MBD2: variants seen among roughly 807,000 people sequenced by gnomAD.
The protein encoded by MBD2 is methyl-CpG binding domain protein 2.
A neutral mutation model predicts 39.3 loss-of-function variants in MBD2; 9 were observed. The observed-to-expected ratio is 0.23, with a 90% confidence interval of 0.14 to 0.40. The LOEUF is 0.40. Ranked by LOEUF, MBD2 falls within the 10% of genes least tolerant of loss-of-function variation. The probability of loss-of-function intolerance (pLI) is 1.00; values close to 1 mark genes in which losing one functional copy is unlikely to be tolerated. For missense variants in MBD2, 458 were observed against 532.6 expected (o/e 0.86, Z 1.38); for synonymous variants, 233 against 211.1 (o/e 1.10, Z -0.90).
chr18:54,182,434 G>C (rs1267881789), intron 3 of MBD2, among the ~76,000 whole-genome samples: 1 of 152,122 alleles, frequency 6.6e-6, no homozygotes, highest in Non-Finnish European at 1.5e-5. Context: ...ATCTGATCAA[G>C]GTATGTAAGG....
chr18:54,186,241 TTA>T (rs1392834988), intron 3 of MBD2, among the ~76,000 whole-genome samples: 10 of 152,070 alleles, frequency 6.6e-5, no homozygotes, highest in Non-Finnish European at 1.5e-4. Context: ...ATAAAAACAT[TTA>T]TATCTATGGG....
intron 1 of MBD2, among the ~76,000 whole-genome samples, chr18:54,215,363 CTT>C (rs1019718660): frequency 1.1e-4 from 17 of 152,200 alleles, no homozygotes; most frequent in African/African-American, 4.1e-4. Flanking sequence ...TCATTTTTCT[CTT>C]CTTTTTTAAT....
intron 1 of MBD2, among the ~76,000 whole-genome samples, chr18:54,210,280 TTAAAAA>T (rs1419195775): frequency 1.3e-5 from 2 of 152,126 alleles, no homozygotes; most frequent in East Asian, 1.9e-4. Flanking sequence ...ATTTCATCAC[TTAAAAA>T]TAAAAATAAA....
intron 5 of MBD2, 65 bp from the exon 6 acceptor site, chr18:54,159,968 C>T: frequency 2.0e-6 from 3 of 1,536,742 alleles, no homozygotes; most frequent in Admixed American, 1.7e-5. Context: ...GAATCTGCTA[C>T]AGAAGTTCAT....
chr18:54,162,930 T>TA (rs1195568519), intron 5 of MBD2, among the ~76,000 whole-genome samples: 2 of 152,156 alleles, frequency 1.3e-5, no homozygotes, highest in African/African-American at 2.4e-5. Context: ...CTTACCCATT[T>TA]AAAAAAACTT....
At chr18:54,205,869 C>T (rs987628581) in intron 1 of MBD2, among the ~76,000 whole-genome samples, 4 of 151,744 alleles carry the variant, frequency 2.6e-5, no homozygotes, top group African/African-American at 9.7e-5. Context: ...CCTGCAAGTA[C>T]TACATATACA....
At chr18:54,196,899 C>T (rs1205722203) in intron 2 of MBD2, among the ~76,000 whole-genome samples, 1 of 152,212 alleles carries the variant, frequency 6.6e-6, no homozygotes, top group Non-Finnish European at 1.5e-5. Context: ...ACTCTGCTTC[C>T]TAGCAATCGC....
intron 3 of MBD2, among the ~76,000 whole-genome samples, chr18:54,180,890 A>ATTTTTTTTTTTTTTTTTTTTTTTT (rs1568083459): frequency 1.7e-5 from 2 of 114,596 alleles, no homozygotes; most frequent in African/African-American, 7.4e-5. Context: ...GTATTCCTTA[A>ATTTTTTTTTTTTTTTTTTTTTTTT]TTTTTTCTTT....
intron 4 of MBD2, among the ~76,000 whole-genome samples, chr18:54,165,276 A>C (rs183287220): frequency 2.7e-3 from 410 of 152,340 alleles, no homozygotes; most frequent in Non-Finnish European, 5.1e-3. Flanking sequence ...ACCTAACAAA[A>C]TATCCAAAAT....
intron 1 of MBD2, among the ~76,000 whole-genome samples, chr18:54,210,605 C>A (rs904483910): frequency 6.6e-6 from 1 of 152,104 alleles, no homozygotes; most frequent in Non-Finnish European, 1.5e-5. Context: ...TAAATAAACA[C>A]AAGTCTATTT....
At chr18:54,215,772 G>A (rs2086553739) in intron 1 of MBD2, among the ~76,000 whole-genome samples, 1 of 151,360 alleles carries the variant, frequency 6.6e-6, no homozygotes, top group Non-Finnish European at 1.5e-5. Flanking sequence ...GGGATTAAAG[G>A]TGTGAGCCAC....
At chr18:54,184,999 G>A (rs2086275749) in intron 3 of MBD2, among the ~76,000 whole-genome samples, 1 of 152,150 alleles carries the variant, frequency 6.6e-6, no homozygotes, top group South Asian at 2.1e-4. Flanking sequence ...GACTATACTA[G>A]AAATAACTGT....
intron 1 of MBD2, among the ~76,000 whole-genome samples, chr18:54,221,368 G>C (rs151039123): frequency 0.038 from 5,767 of 150,620 alleles, 161 homozygotes; most frequent in Non-Finnish European, 0.059. Flanking sequence ...TGAGGCAGGA[G>C]AATGGCGTGA....
At chr18:54,206,391 G>T (rs1308207897) in intron 1 of MBD2, among the ~76,000 whole-genome samples, 2 of 152,170 alleles carry the variant, frequency 1.3e-5, no homozygotes, top group Non-Finnish European at 2.9e-5. Context: ...AAGTCAGTGT[G>T]ATATGTCACA....
chr18:54,222,377 C>T (rs1329349775), intron 1 of MBD2: 1 of 518,100 alleles, frequency 1.9e-6, no homozygotes, highest in Non-Finnish European at 3.9e-6. Flanking sequence ...CAAATCCTGG[C>T]CCCACAGCCT....
At chr18:54,216,769 T>C (rs2086565110) in intron 1 of MBD2, among the ~76,000 whole-genome samples, 1 of 151,814 alleles carries the variant, frequency 6.6e-6, no homozygotes, top group Admixed American at 6.6e-5. Flanking sequence ...AAAAAAAATC[T>C]TCAAAAGGGG....
chr18:54,195,558 G>C (rs1655375535), intron 2 of MBD2, among the ~76,000 whole-genome samples: 3 of 151,932 alleles, frequency 2.0e-5, no homozygotes, highest in African/African-American at 7.3e-5. Context: ...AATAATAATA[G>C]CTATTGGATA....
intron 1 of MBD2, among the ~76,000 whole-genome samples, chr18:54,217,460 A>C (rs1331963762): frequency 6.6e-6 from 1 of 152,260 alleles, no homozygotes; most frequent in Non-Finnish European, 1.5e-5. Flanking sequence ...GGCAAAGAAC[A>C]ATGAAAGATC....
At chr18:54,181,299 A>G (rs560768147) in intron 3 of MBD2, among the ~76,000 whole-genome samples, 1 of 152,328 alleles carries the variant, frequency 6.6e-6, no homozygotes, top group Admixed American at 6.5e-5. Context: ...CTAGCCCATC[A>G]TCTTTTACTA....
Sources: allele counts gnomAD v4.1 joint callset (sites outside exome capture counted in the v4.1 genomes callset), GRCh38; gene constraint gnomAD v4.1.1; transcripts MANE v1.5; gene names NCBI Gene and HGNC (gene_info 2026-07-23, HGNC 2026-07-21).